The following PKHD1 variants were observed in gnomAD, a reference collection of about 807,000 sequenced individuals.
PKHD1 encodes PKHD1 ciliary IPT domain containing fibrocystin/polyductin, also known as fibrocystin.
In PKHD1, 291 loss-of-function variants were observed where a neutral mutation model predicts 412.0. The ratio of observed to expected loss-of-function variants is 0.71; its 90% CI spans 0.64 to 0.78. PKHD1 has a LOEUF of 0.78. PKHD1 is among the 30% of genes least tolerant of loss of function. The probability of loss-of-function intolerance (pLI) is 0.00; values close to 1 mark genes in which losing one functional copy is unlikely to be tolerated. For synonymous variants in PKHD1, 1,777 were observed against 1,821.5 expected (o/e 0.98, Z 0.62); for missense variants, 4,825 against 4,950.7 (o/e 0.97, Z 0.76).
At chr6:51,906,693 C>T (rs973269525) in intron 40 of PKHD1, among the ~76,000 whole-genome samples, 2 of 152,064 alleles carry the variant, frequency 1.3e-5, no homozygotes, top group African/African-American at 2.4e-5. Context: ...TTAAGGATAA[C>T]GTGAAGAGCA....
intron 35 of PKHD1, among the ~76,000 whole-genome samples, chr6:51,993,003 T>C (rs1041333791): frequency 6.6e-6 from 1 of 152,234 alleles, no homozygotes; most frequent in African/African-American, 2.4e-5. Flanking sequence ...ATGATTTTTA[T>C]TAGCCTTGCA....
chr6:51,911,971 A>G lies in PKHD1; in HGVS notation c.6333-15T>C. The G allele has an allele frequency of 6.2e-7, 1 of 1,600,760 alleles. No homozygotes were observed. The highest frequency in any genetic ancestry group is 2.2e-5 in the East Asian group (1 of 44,768). ...TGTGAGAATATCTGGAGAAAAAAAGAGGATGATAGAACTGAGGACATCACT... is the reference window on the plus strand; with the variant it reads ...TGTGAGAATATCTGGAGAAAAAAAGGGGATGATAGAACTGAGGACATCACT... On this transcript the variant is annotated splice_polypyrimidine_tract_variant and intron_variant, in intron 38 of 66. Transcript: ENST00000371117.
intron 60 of PKHD1, among the ~76,000 whole-genome samples, chr6:51,692,948 C>G (rs751120177): frequency 3.3e-5 from 5 of 152,026 alleles, no homozygotes; most frequent in Admixed American, 6.6e-5. Context: ...TTGAAATGTT[C>G]TTTGGATTTA....
chr6:51,976,303 C>G (rs780387826), intron 35 of PKHD1, among the ~76,000 whole-genome samples: 1 of 152,170 alleles, frequency 6.6e-6, no homozygotes, highest in Non-Finnish European at 1.5e-5. Flanking sequence ...AAATTTTATT[C>G]AGCCTTAAAA....
At chr6:51,956,111 G>A (rs963952917) in intron 36 of PKHD1, among the ~76,000 whole-genome samples, 1 of 152,022 alleles carries the variant, frequency 6.6e-6, no homozygotes, top group African/African-American at 2.4e-5. Context: ...TTTGAAAGTT[G>A]TAGTTCTTCA....
rs980885431 is a variant in PKHD1, at chr6:52,042,730, T to C, written c.3097+129A>G. On this transcript the variant is annotated intron_variant, in intron 27 of 66. Transcript: ENST00000371117. Reference sequence around the variant, plus strand: ...AATGTTTGTTGCTCATTTAAATACTTATGTCAGTAAACAAAAGACAGTGAG... The same window carrying C: ...AATGTTTGTTGCTCATTTAAATACTCATGTCAGTAAACAAAAGACAGTGAG... 9 of 828,688 alleles carry C rather than the reference T, an allele frequency of 1.1e-5. No homozygotes were observed. The African/African-American group carries it at 1.3e-4, about 12-fold the overall frequency. The allele number at this position is 828,688 out of a possible 1,614,324, so 51.3% of individuals were successfully genotyped here.
intron 41 of PKHD1, among the ~76,000 whole-genome samples, chr6:51,905,979 T>A (rs1782007822): frequency 1.3e-5 from 2 of 152,192 alleles, no homozygotes; most frequent in African/African-American, 4.8e-5. Context: ...AAACTTCCCA[T>A]TATACACTTA....
At chr6:51,975,318 T>G (rs757466848) in intron 35 of PKHD1, among the ~76,000 whole-genome samples, 42 of 152,202 alleles carry the variant, frequency 2.8e-4, no homozygotes, top group South Asian at 1.9e-3. Flanking sequence ...TAAACTCTTT[T>G]GTGTATCAAA....
chr6:52,075,893 A>T (rs867668562), intron 6 of PKHD1, among the ~76,000 whole-genome samples: 1 of 152,166 alleles, frequency 6.6e-6, no homozygotes, highest in Non-Finnish European at 1.5e-5. Flanking sequence ...TTTGGCGAGG[A>T]TCTAGTAAGA....
chr6:51,860,889 G>A (rs1304484598), intron 48 of PKHD1, among the ~76,000 whole-genome samples: 3 of 152,008 alleles, frequency 2.0e-5, no homozygotes, highest in Non-Finnish European at 4.4e-5. Context: ...TCGGCTCACT[G>A]CAACCTCTGC....
intron 55 of PKHD1, among the ~76,000 whole-genome samples, chr6:51,755,209 A>G (rs1393355653): frequency 6.6e-6 from 1 of 152,200 alleles, no homozygotes; most frequent in Non-Finnish European, 1.5e-5. Context: ...AAAAACAATA[A>G]AAGTTCCAGA....
intron 46 of PKHD1, among the ~76,000 whole-genome samples, chr6:51,873,725 T>G (rs565635032): frequency 6.6e-6 from 1 of 152,356 alleles, no homozygotes; most frequent in South Asian, 2.1e-4. Flanking sequence ...ACAGTGCTGA[T>G]GTAATTTAGA....
intron 48 of PKHD1, among the ~76,000 whole-genome samples, chr6:51,862,087 A>T (rs12212362): frequency 0.4 from 61,211 of 152,064 alleles, 13,526 homozygotes; most frequent in East Asian, 0.85. Flanking sequence ...TTGTCCTCCC[A>T]TATATATGCA....
intron 14 of PKHD1, 29 bp downstream of exon 14, chr6:52,062,490 T>A: frequency 1.2e-6 from 2 of 1,613,612 alleles, no homozygotes; most frequent in Non-Finnish European, 1.7e-6. Flanking sequence ...GTGCTTTTGA[T>A]GTGGGCTCCC....
At chr6:51,820,485 G>A (rs1453954763) in intron 52 of PKHD1, among the ~76,000 whole-genome samples, 1 of 152,068 alleles carries the variant, frequency 6.6e-6, no homozygotes, top group Non-Finnish European at 1.5e-5. Flanking sequence ...ACCAGTGCTA[G>A]GTACTGTTAC....
chr6:51,830,710 A>G, intron 52 of PKHD1, 151 bp downstream of exon 52: 2 of 721,268 alleles, frequency 2.8e-6, no homozygotes, highest in Admixed American at 4.7e-5. Flanking sequence ...GTTCTCCTAC[A>G]TTAACCCCCC....
chr6:51,903,069 T>C (rs184118658), intron 43 of PKHD1, among the ~76,000 whole-genome samples: 1 of 152,292 alleles, frequency 6.6e-6, no homozygotes, highest in Admixed American at 6.5e-5. Flanking sequence ...TTCAGGGAGA[T>C]ATTTTAGTTT....
chr6:52,064,446 C>T (rs1315841566), intron 13 of PKHD1, among the ~76,000 whole-genome samples: 1 of 152,232 alleles, frequency 6.6e-6, no homozygotes, highest in Non-Finnish European at 1.5e-5. Context: ...CTGGTGGCAA[C>T]ATCACAATAT....
At chr6:51,640,119 G>A (rs1035590259) in intron 63 of PKHD1, among the ~76,000 whole-genome samples, 19 of 152,108 alleles carry the variant, frequency 1.2e-4, no homozygotes, top group Non-Finnish European at 1.8e-4. Context: ...CAAAATTATG[G>A]TCAATAAACT....
Sources: gnomAD v4.1 joint callset for allele counts (sites outside exome capture counted in the v4.1 genomes callset) on GRCh38, gnomAD v4.1.1 for gene constraint, MANE v1.5 for transcripts, NCBI Gene and HGNC (gene_info 2026-07-23, HGNC 2026-07-21) for gene names.